ANK2: variants seen among roughly 807,000 people sequenced by gnomAD.
ANK2 encodes the protein ankyrin 2, also known as ankyrin-2.
A neutral mutation model predicts 360.5 loss-of-function variants in ANK2; 83 were observed. That is an observed-to-expected ratio of 0.23 (90% CI 0.19 to 0.28). ANK2 has a LOEUF of 0.28. Ranked by LOEUF, ANK2 falls within the 10% of genes least tolerant of loss-of-function variation. ANK2 has a pLI of 1.00. For missense variants in ANK2, 4,201 were observed against 4,795.7 expected, an observed-to-expected ratio of 0.88 and a Z score of 3.66; for synonymous variants, 1,740 against 1,759.5, an observed-to-expected ratio of 0.99 and a Z score of 0.28.
rs200333546 is a variant in ANK2 at position 113,354,454 on chromosome 4, G to A, written c.5836G>A (p.Asp1946Asn). 1.2e-6 allele frequency: 2 copies of A among 1,613,952 alleles called. No homozygotes were observed. Among genetic ancestry groups the A allele is most frequent in the Admixed American group, 3.3e-5 (2 of 59,982 alleles). Reference sequence around the variant, plus strand: ...GCCTGTTTCACCCTCCGGAAGAACGGACAAGCACCAACCTGTATCAACAGC... The same window carrying A: ...GCCTGTTTCACCCTCCGGAAGAACGAACAAGCACCAACCTGTATCAACAGC... ...RLPVSPSGRT[D>N]KHQPVSTAGK... Residue 1946 changes from aspartate to asparagine, a missense_variant, in exon 38 of 46, where the codon GAC (aspartate) becomes AAC (asparagine). Transcript: ENST00000357077.
At chr4:113,286,921 CT>C (rs1339615194) in intron 18 of ANK2, among the ~76,000 whole-genome samples, 1 of 152,180 alleles carries the variant, frequency 6.6e-6, no homozygotes, top group African/African-American at 2.4e-5. Flanking sequence ...GAATAAGCCA[CT>C]TTCCCCCATC....
In ANK2 at chr4:113,187,084, TA is replaced by T. The variant is rs34551394; in HGVS notation, c.187-9272del. The stretch of plus-strand genomic sequence containing the variant: ...CCCCACCCCCTAAACTGTCATTACT[TA>T]AAAAAAAAAAAGAAAGCTCTTTATG... On this transcript the variant is annotated intron_variant, in intron 2 of 45. Coordinates refer to ENST00000357077, the MANE Select transcript of ANK2 (RefSeq NM_001148.6). Among the ~76,000 whole-genome samples, 295 of 143,858 alleles carry T rather than the reference TA, an allele frequency of 2.1e-3. 1 individual carries two copies. The highest frequency in any genetic ancestry group is 4.8e-3 in the African/African-American group (191 of 39,384). The allele number at this position is 143,858 out of a possible 152,430, so 94.4% of individuals were successfully genotyped here.
chr4:112,725,574 G>T, the ANK2 span, among the ~76,000 whole-genome samples: 1 of 151,780 alleles, frequency 6.6e-6, no homozygotes, highest in Non-Finnish European at 1.5e-5. Context: ...TGGCTAGGCT[G>T]GTCTTGAACT....
intron 5 of ANK2, among the ~76,000 whole-genome samples, chr4:113,232,866 C>T (rs569702604): frequency 4.2e-4 from 64 of 152,160 alleles, no homozygotes; most frequent in Non-Finnish European, 9.0e-4. Context: ...AGTTTTCTTT[C>T]CTAAGCATTT....
intron 1 of ANK2, among the ~76,000 whole-genome samples, chr4:112,847,319 T>G (rs2063545427): frequency 6.6e-6 from 1 of 152,224 alleles, no homozygotes; most frequent in African/African-American, 2.4e-5. Flanking sequence ...TTTCTCTCTC[T>G]CAGTGGTATT....
chr4:112,923,372 A>G (rs2091964790), intron 2 of ANK2, among the ~76,000 whole-genome samples: 1 of 152,092 alleles, frequency 6.6e-6, no homozygotes, highest in African/African-American at 2.4e-5. Context: ...GCTAACTAAA[A>G]TGTTAAGCTC....
chr4:113,054,824 G>A (rs754550642), intron 1 of ANK2, among the ~76,000 whole-genome samples: 8 of 152,014 alleles, frequency 5.3e-5, no homozygotes, highest in Non-Finnish European at 1.2e-4. Context: ...GGTATTCTGT[G>A]ATTTTCTTTC....
At chr4:113,222,290 G>T (rs1468251148) in intron 4 of ANK2, among the ~76,000 whole-genome samples, 2 of 152,108 alleles carry the variant, frequency 1.3e-5, no homozygotes, top group Non-Finnish European at 2.9e-5. Flanking sequence ...AATGTCACAA[G>T]GCAGAGCTTT....
At chr4:113,258,495 T>C (rs2050756372) in intron 13 of ANK2, 84 bp downstream of exon 13, 1 of 1,346,498 alleles carries the variant, frequency 7.4e-7, no homozygotes, top group Non-Finnish European at 1.1e-6. Flanking sequence ...TGTGTTTGCG[T>C]GTATGTCATC....
At chr4:113,164,641 G>C (rs920591882) in intron 1 of ANK2, among the ~76,000 whole-genome samples, 1 of 152,188 alleles carries the variant, frequency 6.6e-6, no homozygotes, top group Non-Finnish European at 1.5e-5. Flanking sequence ...GGGGGCAAGA[G>C]TAAATTAACA....
intron 1 of ANK2, among the ~76,000 whole-genome samples, chr4:113,173,073 G>C (rs533740249): frequency 1.4e-4 from 21 of 152,268 alleles, no homozygotes; most frequent in African/African-American, 4.6e-4. Flanking sequence ...ATCAGGGCAT[G>C]AATTCTGGAT....
intron 4 of ANK2, among the ~76,000 whole-genome samples, chr4:113,201,665 G>C (rs1253061239): frequency 2.0e-5 from 3 of 152,136 alleles, no homozygotes; most frequent in Admixed American, 1.3e-4. Flanking sequence ...GACAAACATA[G>C]TGTTGTTATA....
chr4:112,905,946 G>C (rs1266979668), intron 2 of ANK2, among the ~76,000 whole-genome samples: 1 of 152,210 alleles, frequency 6.6e-6, no homozygotes, highest in Non-Finnish European at 1.5e-5. Context: ...ATAGGCATGA[G>C]TCACTGCGCC....
intron 2 of ANK2, among the ~76,000 whole-genome samples, chr4:112,988,040 A>T (rs2045535733): frequency 6.6e-6 from 1 of 152,198 alleles, no homozygotes; most frequent in African/African-American, 2.4e-5. Flanking sequence ...AGGATAAAGT[A>T]TGTACACTAG....
At position 113,209,807 on chromosome 4, in the gene ANK2, T is replaced by C. The variant is rs191190740; in HGVS notation, c.384+10698T>C. ...AGGTCACAGATTTTCTGATTTGCAG[T>C]TGGGTAAGGAAGAGAAGCTTTGTTT... is the stretch of plus-strand genomic sequence containing the variant. On this transcript the variant is annotated intron_variant, in intron 4 of 45. Coordinates refer to ENST00000357077, the MANE Select transcript of ANK2 (RefSeq NM_001148.6). 4.0e-5 allele frequency among the ~76,000 whole-genome samples: 6 copies of C among 151,492 alleles called. No homozygotes were observed. The East Asian group carries it at 7.7e-4, about 19-fold the overall frequency.
Position 112,890,703 on chromosome 4 carries a change from G to A in ANK2, c.-39-13752G>A, listed in dbSNP as rs180855332. ...CTGCCTCAGCCTCCCTAGTAGCTGG[G>A]ATTACAGGCATGTGCCACCATGCCA... On this transcript the variant is annotated intron_variant, in intron 1 of 30. Transcript: ENST00000503271. Among the ~76,000 whole-genome samples, 410 of 151,834 alleles carry A rather than the reference G, an allele frequency of 2.7e-3. 1 individual carries two copies. The highest frequency in any genetic ancestry group is 5.9e-3 in the Admixed American group (90 of 15,232).
chr4:112,987,963 A>C (rs1425785067), intron 2 of ANK2, among the ~76,000 whole-genome samples: 1 of 152,154 alleles, frequency 6.6e-6, no homozygotes, highest in Non-Finnish European at 1.5e-5. Context: ...AGATATAGAA[A>C]TAGGAGAGGT....
intron 45 of ANK2, chr4:113,378,281 G>A: frequency 2.3e-6 from 1 of 431,688 alleles, no homozygotes; most frequent in Middle Eastern, 3.6e-4. Flanking sequence ...ACCCTAAAGA[G>A]GATAGAAAAC....
chr4:112,969,611 T>A (rs1031310920), intron 2 of ANK2, among the ~76,000 whole-genome samples: 1 of 152,148 alleles, frequency 6.6e-6, no homozygotes, highest in Non-Finnish European at 1.5e-5. Flanking sequence ...AGTGGCAGAA[T>A]AGGAATTGGA....
Sources: gnomAD v4.1 joint callset for allele counts (sites outside exome capture counted in the v4.1 genomes callset) on GRCh38, gnomAD v4.1.1 for gene constraint, MANE v1.5 for transcripts, NCBI Gene and HGNC (gene_info 2026-07-23, HGNC 2026-07-21) for gene names.